CPEB4: variants seen among roughly 807,000 people sequenced by gnomAD.
CPEB4 encodes cytoplasmic polyadenylation element-binding protein 4.
Under a neutral mutation model 72.5 loss-of-function variants are expected in CPEB4, and 12 were observed. That is an observed-to-expected ratio of 0.17 (90% CI 0.11 to 0.27). CPEB4 has a LOEUF of 0.27. CPEB4 is among the 10% of genes least tolerant of loss of function. CPEB4 has a pLI of 1.00. For synonymous variants in CPEB4, 302 were observed against 326.3 expected, an observed-to-expected ratio of 0.93 and a Z score of 0.80; for missense variants, 614 against 908.5, an observed-to-expected ratio of 0.68 and a Z score of 4.17.
intron 2 of CPEB4, among the ~76,000 whole-genome samples, chr5:173,916,101 C>G (rs1756856875): frequency 6.6e-6 from 1 of 152,022 alleles, no homozygotes. Flanking sequence ...CACTAGAAAG[C>G]CAAAATGAGA....
At chr5:173,942,200 G>A (rs1452005457) in intron 3 of CPEB4, among the ~76,000 whole-genome samples, 1 of 152,194 alleles carries the variant, frequency 6.6e-6, no homozygotes, top group Non-Finnish European at 1.5e-5. Context: ...GCTAGTTCCT[G>A]GAGGTCAGGG....
Position 173,955,833 on chromosome 5 carries a change from TG to T in CPEB4, c.1963-74del. ...CCTTGGAACAGATTCATTCAGATAG[TG>T]GGTGGAAATGTACATGTATGGTAAG... On this transcript the variant is annotated intron_variant, in intron 9 of 9. Coordinates refer to ENST00000265085, the MANE Select transcript of CPEB4 (RefSeq NM_030627.4). This position sits in a 1 kb window ranked among gnomAD's most constrained non-coding sequence, Gnocchi z 4.7. 2 of 1,144,796 alleles carry T rather than the reference TG, an allele frequency of 1.7e-6. No individual in the cohort carries two copies. Among genetic ancestry groups the T allele is most frequent in the Non-Finnish European group, 2.5e-6 (2 of 784,432 alleles). The allele number at this position is 1,144,796 out of a possible 1,614,324, so 70.9% of individuals were successfully genotyped here. A position where few individuals can be genotyped will look rare whatever the true frequency, so the allele number is the denominator to read the frequency against.
chr5:173,926,620 C>T (rs1479605966), intron 2 of CPEB4, among the ~76,000 whole-genome samples: 2 of 152,200 alleles, frequency 1.3e-5, no homozygotes, highest in Non-Finnish European at 2.9e-5. Context: ...GCTTCTGGTT[C>T]CAAATTCTGC....
chr5:173,949,173 G>T (rs1012954251), intron 5 of CPEB4, among the ~76,000 whole-genome samples: 2 of 152,166 alleles, frequency 1.3e-5, no homozygotes, highest in Admixed American at 6.5e-5. Flanking sequence ...TATCAAAATT[G>T]ATATATAAGG....
At chr5:173,936,548 C>G (rs1209004901) in intron 3 of CPEB4, among the ~76,000 whole-genome samples, 2 of 152,162 alleles carry the variant, frequency 1.3e-5, no homozygotes, top group Non-Finnish European at 2.9e-5. Context: ...TAATAGATGC[C>G]TTATACTAGT....
At chr5:173,942,064 AC>A (rs1162649584) in intron 3 of CPEB4, among the ~76,000 whole-genome samples, 3 of 151,372 alleles carry the variant, frequency 2.0e-5, no homozygotes, top group Admixed American at 6.6e-5. Flanking sequence ...CCCTACCCCC[AC>A]CCCCAACTTT....
chr5:173,913,784 A>G (rs142139920), intron 2 of CPEB4, among the ~76,000 whole-genome samples: 42 of 152,344 alleles, frequency 2.8e-4, no homozygotes, highest in Non-Finnish European at 5.3e-4. Flanking sequence ...ATAGTGATTT[A>G]TAGACTGCAA....
Position 173,956,219 on chromosome 5 carries a change from C to A in CPEB4, c.*82C>A. ...TCTGACCCCTTCCTCAACCTCTTCA[C>A]GCTGGCATGTCCTTTTGTAGCAGTC... On this transcript the variant is annotated 3_prime_UTR_variant, in exon 10 of 10. Coordinates refer to ENST00000265085, the MANE Select transcript of CPEB4 (RefSeq NM_030627.4). The A allele has an allele frequency of 1.9e-6, 2 of 1,042,226 alleles. No individual in the cohort carries two copies. The highest frequency in any genetic ancestry group is 3.0e-6 in the Non-Finnish European group (2 of 676,468). The allele number at this position is 1,042,226 out of a possible 1,614,324, so 64.6% of individuals were successfully genotyped here. A position where few individuals can be genotyped will look rare whatever the true frequency, so the allele number is the denominator to read the frequency against.
intron 6 of CPEB4, 131 bp from the exon 7 acceptor site, chr5:173,949,829 T>C (rs2113293655): frequency 2.6e-6 from 2 of 758,986 alleles, no homozygotes; most frequent in South Asian, 3.1e-5. Flanking sequence ...ATCAGACTTT[T>C]GGTATAAATA....
Position 173,949,616 on chromosome 5 carries a change from T to C in CPEB4, c.1546+19T>C. 6.8e-7 allele frequency: 1 copy of C among 1,479,332 alleles called. No homozygotes were observed. The highest frequency in any genetic ancestry group is 1.2e-5 in the South Asian group (1 of 86,510). The allele number at this position is 1,479,332 out of a possible 1,614,324, so 91.6% of individuals were successfully genotyped here. Reference sequence around the variant, plus strand: ...CCTAAAGGTAATTCTCAAGATTCATTATACTTATGTAATTTATTCTTACAT... The same window carrying C: ...CCTAAAGGTAATTCTCAAGATTCATCATACTTATGTAATTTATTCTTACAT... On this transcript the variant is annotated intron_variant, in intron 6 of 9. Coordinates refer to ENST00000265085, the MANE Select transcript of CPEB4 (RefSeq NM_030627.4).
intron 1 of CPEB4, among the ~76,000 whole-genome samples, chr5:173,906,739 T>A (rs529589880): frequency 1.8e-4 from 28 of 152,312 alleles, no homozygotes; most frequent in Admixed American, 8.5e-4. Flanking sequence ...TAGGAAAAAA[T>A]TAGTATCATT....
In CPEB4 at chr5:173,888,582, C is replaced by A; in HGVS notation, c.-1152C>A. ...CAGCAACCGTGAGGAGAAACAAAAG[C>A]CTTCTAAATTATAGTTTAAAAAAAA... On this transcript the variant is annotated 5_prime_UTR_variant, in exon 1 of 10. Coordinates refer to ENST00000265085, the MANE Select transcript of CPEB4 (RefSeq NM_030627.4). The surrounding 1 kb of genome is among the most constrained non-coding windows in gnomAD (Gnocchi z 4.3). 2.5e-6 allele frequency: 1 copy of A among 402,258 alleles called. No individual in the cohort carries two copies. Among genetic ancestry groups the A allele is most frequent in the Non-Finnish European group, 4.4e-6 (1 of 228,514 alleles). The allele number at this position is 402,258 out of a possible 1,614,324, so 24.9% of individuals were successfully genotyped here.
chr5:173,928,166 G>A (rs1022633200), intron 2 of CPEB4, among the ~76,000 whole-genome samples: 2 of 152,224 alleles, frequency 1.3e-5, no homozygotes, highest in Non-Finnish European at 2.9e-5. Flanking sequence ...GGGGAGCACA[G>A]AGGATTTTTA....
intron 9 of CPEB4, among the ~76,000 whole-genome samples, chr5:173,954,432 G>A (rs796655175): frequency 4.5e-4 from 68 of 151,448 alleles, no homozygotes; most frequent in African/African-American, 1.5e-3. Flanking sequence ...GAGTGCAGTG[G>A]TACAGTCTCA....
chr5:173,908,937 C>T (rs1260326302), intron 1 of CPEB4, among the ~76,000 whole-genome samples: 1 of 152,050 alleles, frequency 6.6e-6, no homozygotes, highest in Non-Finnish European at 1.5e-5. Flanking sequence ...TGTTTATGTA[C>T]AGTATCCTTA....
intron 3 of CPEB4, among the ~76,000 whole-genome samples, chr5:173,933,365 A>C (rs1238109216): frequency 6.6e-6 from 1 of 152,222 alleles, no homozygotes; most frequent in African/African-American, 2.4e-5. Flanking sequence ...TGAGGAGTTA[A>C]AAATTATTTT....
Position 173,888,725 on chromosome 5 carries a change from GA to G in CPEB4, c.-1008del. 2.6e-6 allele frequency: 1 copy of G among 390,532 alleles called. No homozygotes were observed. The highest frequency in any genetic ancestry group is 4.5e-6 in the Non-Finnish European group (1 of 221,140). 24.2% of individuals were successfully genotyped at this position (390,532 alleles called of 1,614,324 possible). On this transcript the variant is annotated 5_prime_UTR_variant, in exon 1 of 10. Transcript: ENST00000265085. This position sits in a 1 kb window ranked among gnomAD's most constrained non-coding sequence, Gnocchi z 4.3. ...TTCCCTCTCTGCGGAGAATCGAACT[GA>G]GGGAACTGAACAAACCGCCCCTGGG...
intron 5 of CPEB4, among the ~76,000 whole-genome samples, chr5:173,947,116 C>T (rs891998730): frequency 1.5e-4 from 23 of 151,980 alleles, no homozygotes; most frequent in African/African-American, 4.6e-4. Context: ...TTTTCTGTTC[C>T]TTTACCCTGC....
At chr5:173,931,251 A>G (rs899176543) in intron 2 of CPEB4, among the ~76,000 whole-genome samples, 2 of 152,146 alleles carry the variant, frequency 1.3e-5, no homozygotes, top group African/African-American at 4.8e-5. Context: ...TTCCCAGAGT[A>G]TTTAGTGGAA....
Sources: gnomAD v4.1 joint callset for allele counts (sites outside exome capture counted in the v4.1 genomes callset) on GRCh38, gnomAD v4.1.1 for gene constraint, Gnocchi (gnomAD v3.1) non-coding constraint, MANE v1.5 for transcripts, NCBI Gene and HGNC (gene_info 2026-07-23, HGNC 2026-07-21) for gene names.